Variants in ATRN observed in about 807,000 individuals in gnomAD.
ATRN encodes attractin, also known as attractin-2.
In ATRN, 54 loss-of-function variants were observed where a neutral mutation model predicts 178.7. The ratio of observed to expected loss-of-function variants is 0.30; its 90% CI spans 0.24 to 0.38. The LOEUF (loss-of-function observed/expected upper bound fraction) is 0.38, where lower values mean the gene tolerates loss of function less well. Among genes scored for constraint, ATRN ranks in the 10% least tolerant of loss-of-function variants. ATRN has a pLI of 1.00. For synonymous variants in ATRN, 636 were observed against 663.0 expected (o/e 0.96, Z 0.63); for missense variants, 1,443 against 1,815.1 (o/e 0.79, Z 3.73).
intron 25 of ATRN, among the ~76,000 whole-genome samples, chr20:3,629,621 T>TC (rs771620664): frequency 4.6e-5 from 7 of 152,312 alleles, no homozygotes; most frequent in Non-Finnish European, 1.0e-4. Flanking sequence ...CTGCTCCCAC[T>TC]TCAGACACTA....
At chr20:3,501,028 A>T (rs1369125522) in intron 1 of ATRN, among the ~76,000 whole-genome samples, 1 of 152,182 alleles carries the variant, frequency 6.6e-6, no homozygotes, top group Non-Finnish European at 1.5e-5. Context: ...TAATTTGATT[A>T]TACATTTCTA....
chr20:3,572,525 G>A (rs1340146211), intron 11 of ATRN, among the ~76,000 whole-genome samples: 1 of 152,044 alleles, frequency 6.6e-6, no homozygotes. Flanking sequence ...TGTAAAAAGT[G>A]TATCATGGTA....
At chr20:3,587,847 T>C (rs927019406) in intron 18 of ATRN, among the ~76,000 whole-genome samples, 1 of 151,822 alleles carries the variant, frequency 6.6e-6, no homozygotes, top group Non-Finnish European at 1.5e-5. Context: ...GTTTGTTTGT[T>C]TGTTTGTTTG....
At chr20:3,515,436 T>C (rs2085194257) in intron 1 of ATRN, among the ~76,000 whole-genome samples, 1 of 152,126 alleles carries the variant, frequency 6.6e-6, no homozygotes. Flanking sequence ...TAAAGTGAAC[T>C]GAGAAGAAGC....
chr20:3,472,206 C>T (rs1404509537), intron 1 of ATRN, among the ~76,000 whole-genome samples: 1 of 152,206 alleles, frequency 6.6e-6, no homozygotes, highest in African/African-American at 2.4e-5. Context: ...TAGTTTGGGG[C>T]AGTTCCTCTT....
At chr20:3,516,609 G>C (rs2085209536) in intron 1 of ATRN, among the ~76,000 whole-genome samples, 1 of 152,112 alleles carries the variant, frequency 6.6e-6, no homozygotes. Context: ...TAATAAGGAG[G>C]AGCCAAGGGG....
At chr20:3,512,392 A>G (rs1243914701) in intron 1 of ATRN, among the ~76,000 whole-genome samples, 1 of 151,750 alleles carries the variant, frequency 6.6e-6, no homozygotes, top group Non-Finnish European at 1.5e-5. Context: ...TTTGCTGAGA[A>G]TGATGGTTTC....
intron 25 of ATRN, among the ~76,000 whole-genome samples, chr20:3,630,964 TGGGA>T (rs2086985938): frequency 1.4e-5 from 1 of 73,428 alleles, no homozygotes; most frequent in Non-Finnish European, 2.5e-5. Context: ...TTTTTTTTTT[TGGGA>T]TAGGGTCTCT....
intron 1 of ATRN, among the ~76,000 whole-genome samples, chr20:3,525,556 C>A (rs892671198): frequency 6.6e-6 from 1 of 152,184 alleles, no homozygotes; most frequent in South Asian, 2.1e-4. Context: ...TTGATGAGGC[C>A]AGCATCATCC....
At chr20:3,558,124 A>T (rs1294214836) in intron 6 of ATRN, among the ~76,000 whole-genome samples, 1 of 152,216 alleles carries the variant, frequency 6.6e-6, no homozygotes, top group Non-Finnish European at 1.5e-5. Flanking sequence ...TCAGTTGTTC[A>T]TACTTTCATA....
At chr20:3,525,695 A>T (rs1396469844) in intron 1 of ATRN, among the ~76,000 whole-genome samples, 1 of 152,228 alleles carries the variant, frequency 6.6e-6, no homozygotes, top group Admixed American at 6.5e-5. Context: ...CTAAAAGCTT[A>T]TCCACCACAA....
chr20:3,509,665 G>A (rs914499426), intron 1 of ATRN, among the ~76,000 whole-genome samples: 1 of 151,838 alleles, frequency 6.6e-6, no homozygotes, highest in African/African-American at 2.4e-5. Context: ...CACCATGCCC[G>A]GCTAATTTTT....
At chr20:3,577,609 G>A (rs1157791283) in intron 14 of ATRN, among the ~76,000 whole-genome samples, 1 of 152,198 alleles carries the variant, frequency 6.6e-6, no homozygotes, top group African/African-American at 2.4e-5. Flanking sequence ...CTTGTTCAGG[G>A]AAGTTGGTTT....
At chr20:3,594,336 A>C (rs1321762369) in intron 19 of ATRN, 143 bp from the exon 20 acceptor site, 2 of 549,726 alleles carry the variant, frequency 3.6e-6, no homozygotes, top group East Asian at 3.0e-5. Context: ...AAAATCATGA[A>C]TCTTACCCAT....
intron 8 of ATRN, among the ~76,000 whole-genome samples, chr20:3,561,432 A>G (rs1202849113): frequency 1.3e-5 from 2 of 152,330 alleles, no homozygotes; most frequent in Middle Eastern, 3.4e-3. Context: ...GTTACTGTCA[A>G]TTTGGTAAGG....
intron 1 of ATRN, among the ~76,000 whole-genome samples, chr20:3,511,541 A>T (rs988897945): frequency 2.0e-5 from 3 of 152,184 alleles, no homozygotes; most frequent in South Asian, 2.1e-4. Context: ...GAGAAACTAT[A>T]CAAGAAACAA....
At chr20:3,595,806 C>T (rs969471150) in intron 20 of ATRN, among the ~76,000 whole-genome samples, 1 of 152,152 alleles carries the variant, frequency 6.6e-6, no homozygotes, top group Non-Finnish European at 1.5e-5. Context: ...TTGTGTTTAC[C>T]TAAATGCTTC....
chr20:3,585,752 A>G (rs141857186), intron 18 of ATRN, among the ~76,000 whole-genome samples: 32 of 152,342 alleles, frequency 2.1e-4, no homozygotes, highest in African/African-American at 7.5e-4. Flanking sequence ...AACAATAGAA[A>G]GACAACCCAA....
In ATRN at chr20:3,596,373, C is replaced by G; in HGVS notation, c.3417-4C>G. 4 of 1,612,262 alleles carry G rather than the reference C, an allele frequency of 2.5e-6. No homozygotes were observed. Among genetic ancestry groups the G allele is most frequent in the Non-Finnish European group, 3.4e-6 (4 of 1,178,670 alleles). Reference sequence around the variant, plus strand: ...AGTATAAAATAGTCTTTTTTCCCCCCCAGATGTGAGGTAGAAAATCGATAC... The same window carrying G: ...AGTATAAAATAGTCTTTTTTCCCCCGCAGATGTGAGGTAGAAAATCGATAC... On this transcript the variant is annotated splice_polypyrimidine_tract_variant and splice_region_variant and intron_variant, in intron 20 of 28. Coordinates refer to ENST00000262919, the MANE Select transcript of ATRN (RefSeq NM_139321.3).
Sources: gnomAD v4.1 joint callset for allele counts (sites outside exome capture counted in the v4.1 genomes callset) on GRCh38, gnomAD v4.1.1 for gene constraint, MANE v1.5 for transcripts, NCBI Gene and HGNC (gene_info 2026-07-23, HGNC 2026-07-21) for gene names.